Variants in PLXNA4 observed in about 807,000 individuals in gnomAD.
PLXNA4 encodes the protein plexin-A4.
A neutral mutation model predicts 191.8 loss-of-function variants in PLXNA4; 44 were observed. The observed-to-expected ratio is 0.23, with a 90% CI of 0.18 to 0.29. The LOEUF is 0.29. PLXNA4 is among the 10% of genes least tolerant of loss of function. The pLI, the probability that PLXNA4 is intolerant of heterozygous loss-of-function variation, is 1.00. For synonymous variants in PLXNA4, 1,082 were observed against 1,009.5 expected (o/e 1.07, Z -1.36); for missense variants, 1,800 against 2,488.8 (o/e 0.72, Z 5.89).
At chr7:132,647,824 A>ATTTATGTATGTGTATGTATGTGAC (rs1803909726) in intron 1 of PLXNA4, among the ~76,000 whole-genome samples, 2 of 151,266 alleles carry the variant, frequency 1.3e-5, no homozygotes, top group Non-Finnish European at 2.9e-5. Flanking sequence ...ACATACACTC[A>ATTTATGTATGTGTATGTATGTGAC]AAATATACAC....
chr7:132,595,797 A>C (rs935513434), intron 2 of PLXNA4, among the ~76,000 whole-genome samples: 1 of 152,218 alleles, frequency 6.6e-6, no homozygotes, highest in Non-Finnish European at 1.5e-5. Flanking sequence ...TAAAATGAAC[A>C]CTAGGTGCCC....
At chr7:132,415,265 G>A (rs973654683) in intron 3 of PLXNA4, among the ~76,000 whole-genome samples, 1 of 152,234 alleles carries the variant, frequency 6.6e-6, no homozygotes, top group African/African-American at 2.4e-5. Context: ...ATCGCCCAAA[G>A]GAGGAGGAGC....
chr7:132,319,702 C>T (rs1220989138), intron 3 of PLXNA4, among the ~76,000 whole-genome samples: 1 of 152,242 alleles, frequency 6.6e-6, no homozygotes, highest in Non-Finnish European at 1.5e-5. Context: ...GGACTTCCTG[C>T]TCCAGAAGCA....
At position 132,507,737 on chromosome 7, in the gene PLXNA4, C is replaced by A. The variant is rs758798267; in HGVS notation, c.957G>T (p.Gly319=). 3 of 1,614,152 alleles carry A rather than the reference C, an allele frequency of 1.9e-6. No homozygotes were observed. Among genetic ancestry groups the A allele is most frequent in the African/African-American group, 1.3e-5 (1 of 75,042 alleles). The change falls in exon 2 of 32, where the codon GGG becomes GGT. Residue 319 remains glycine, a synonymous_variant. Coordinates refer to ENST00000321063, the MANE Select transcript of PLXNA4 (RefSeq NM_020911.2). Reference sequence around the variant, plus strand: ...CTCCAAGGGTCCTGCCAAGCACGGCCCCCGCTTTGGACAGGTAGGCAGCCT... The same window carrying A: ...CTCCAAGGGTCCTGCCAAGCACGGCACCCGCTTTGGACAGGTAGGCAGCCT... ...LLQAAYLSKA[G]AVLGRTLGVH...
chr7:132,392,901 G>A (rs1442554577), intron 3 of PLXNA4, among the ~76,000 whole-genome samples: 1 of 152,102 alleles, frequency 6.6e-6, no homozygotes, highest in Admixed American at 6.5e-5. Flanking sequence ...GGAGCCCTAG[G>A]AGATGCCGCC....
At chr7:132,529,606 TC>T (rs1385964502) in intron 1 of PLXNA4, among the ~76,000 whole-genome samples, 1 of 127,274 alleles carries the variant, frequency 7.9e-6, no homozygotes, top group East Asian at 2.1e-4. Flanking sequence ...AAATAGGTAT[TC>T]TTTTTTTTTT....
rs768398102 is a variant in PLXNA4 at position 132,185,398 on chromosome 7, G to A, written c.3059C>T (p.Ser1020Leu). The A allele has an allele frequency of 6.8e-6, 11 of 1,613,976 alleles. No homozygotes were observed. The highest frequency in any genetic ancestry group is 3.3e-5 in the South Asian group (3 of 91,080). The change falls in exon 16 of 32, where the codon TCG becomes TTG. Residue 1020 changes from serine to leucine, a missense_variant. Physicochemically the swap from Ser to Leu is moderately radical, Grantham distance 145 (BLOSUM62 -2). This residue lies in a region of PLXNA4 where 1,397 missense variants were observed against 1,880.4 expected (regional missense o/e 0.74). Transcript: ENST00000321063. The stretch of plus-strand genomic sequence containing the variant: ...GATCTTGGCCCTGTCCACCTGCACC[G>A]ACACCTTCATCTCTAGCACCTCATC... ...SSDEVLEMKV[S>L]VQVDRAKIHQ...
rs1171347778 is a variant in PLXNA4, at chr7:132,533,957, A to ATTATTATTAT, written c.-86-25179_-86-25178insATAATAATAA. Among the ~76,000 whole-genome samples the ATTATTATTAT allele has an allele frequency of 4.1e-4, 62 of 152,064 alleles. 1 individual carries two copies. The highest frequency in any genetic ancestry group is 1.4e-3 in the African/African-American group (58 of 41,460). On this transcript the variant is annotated intron_variant, in intron 1 of 31. Coordinates refer to ENST00000321063, the MANE Select transcript of PLXNA4 (RefSeq NM_020911.2). ...TATTATTATTATTATTACTATTATT[A>ATTATTATTAT]TGTTAACAAGTCACCAGGCAACAAA...
In PLXNA4 at chr7:132,375,998, G is replaced by A. The variant is rs141352814; in HGVS notation, c.1372-77776C>T. ...CAGACAGTAGAGTTTGAGTCCCAAC[G>A]CCACTGGCATGACCTTAGACCAATG... On this transcript the variant is annotated intron_variant, in intron 3 of 31. Coordinates refer to ENST00000321063, the MANE Select transcript of PLXNA4 (RefSeq NM_020911.2). Among the ~76,000 whole-genome samples the A allele has an allele frequency of 4.6e-3, 707 of 152,280 alleles. 7 individuals carry two copies. Among genetic ancestry groups the A allele is most frequent in the African/African-American group, 0.016 (665 of 41,558 alleles).
chr7:132,148,292 C>G (rs1270056559), intron 26 of PLXNA4, among the ~76,000 whole-genome samples: 1 of 152,200 alleles, frequency 6.6e-6, no homozygotes, highest in Non-Finnish European at 1.5e-5. Context: ...CCCAGAGGAA[C>G]TTCTCAGGAG....
chr7:132,301,379 A>G (rs1349908571), intron 3 of PLXNA4, among the ~76,000 whole-genome samples: 1 of 152,194 alleles, frequency 6.6e-6, no homozygotes, highest in African/African-American at 2.4e-5. Flanking sequence ...AGTGGCCACT[A>G]TGGGTCTGGG....
chr7:132,224,299 C>T (rs1020191070), intron 8 of PLXNA4, among the ~76,000 whole-genome samples: 1 of 152,174 alleles, frequency 6.6e-6, no homozygotes. Flanking sequence ...GAATAGGCCA[C>T]ACTCTCCCCA....
intron 30 of PLXNA4, 124 bp from the exon 31 acceptor site, chr7:132,133,323 T>C (rs1795022830): frequency 6.1e-6 from 9 of 1,474,280 alleles, no homozygotes; most frequent in Non-Finnish European, 8.1e-6. Context: ...TGGGTACTTG[T>C]GCTGTGGCCA....
chr7:132,412,390 T>A (rs949862689), intron 3 of PLXNA4, among the ~76,000 whole-genome samples: 1 of 152,146 alleles, frequency 6.6e-6, no homozygotes, highest in Non-Finnish European at 1.5e-5. Flanking sequence ...TGCATTGCCC[T>A]CATGGAGCCG....
intron 3 of PLXNA4, among the ~76,000 whole-genome samples, chr7:132,419,886 T>C (rs1022009588): frequency 1.3e-5 from 2 of 152,200 alleles, no homozygotes; most frequent in Non-Finnish European, 2.9e-5. Flanking sequence ...TCAAACTTCA[T>C]GTCACTTTCA....
At chr7:132,601,454 G>T (rs1309013014) in intron 2 of PLXNA4, among the ~76,000 whole-genome samples, 3 of 152,146 alleles carry the variant, frequency 2.0e-5, no homozygotes, top group Non-Finnish European at 2.9e-5. Context: ...AAGTGAAAAT[G>T]GTGGGTACAA....
intron 3 of PLXNA4, among the ~76,000 whole-genome samples, chr7:132,300,492 G>A (rs1005689941): frequency 6.6e-6 from 1 of 152,166 alleles, no homozygotes; most frequent in African/African-American, 2.4e-5. Flanking sequence ...TTCCCATTAA[G>A]CCCATGAAAA....
At position 132,597,265 on chromosome 7, in the gene PLXNA4, C is replaced by A. The variant is rs79910353; in HGVS notation, c.-87+48663G>T. ...CATTATTTCTGTTCATGCCGGTCTC[C>A]CCCAATAGTTTGTTGTCTTCTCTAT... On this transcript the variant is annotated intron_variant, in intron 2 of 4. Transcript: ENST00000378539. 6.3e-3 allele frequency among the ~76,000 whole-genome samples: 957 copies of A among 152,230 alleles called. 15 individuals are homozygous for A. Among genetic ancestry groups the A allele is most frequent in the African/African-American group, 0.021 (874 of 41,534 alleles).
At chr7:132,609,474 G>A (rs1563193684) in intron 2 of PLXNA4, among the ~76,000 whole-genome samples, 1 of 152,274 alleles carries the variant, frequency 6.6e-6, no homozygotes, top group East Asian at 1.9e-4. Context: ...CCCTGGACCA[G>A]CCTTCCCCTT....
Sources: gnomAD v4.1 joint callset for allele counts (sites outside exome capture counted in the v4.1 genomes callset) on GRCh38, gnomAD v4.1.1 for gene constraint, gnomAD v4.1.1 regional missense constraint, MANE v1.5 for transcripts, NCBI Gene and HGNC (gene_info 2026-07-23, HGNC 2026-07-21) for gene names.